Variants in SYNPR observed in about 807,000 individuals in gnomAD.
The protein encoded by SYNPR is synaptoporin.
A neutral mutation model predicts 32.9 loss-of-function variants in SYNPR; 23 were observed. The observed-to-expected ratio is 0.70, with a 90% CI of 0.50 to 0.99. The LOEUF is 0.99. Ranked by LOEUF, SYNPR falls within the 50% of genes least tolerant of loss-of-function variation. SYNPR has a pLI of 0.00. For missense variants in SYNPR, 318 were observed against 349.3 expected (o/e 0.91, Z 0.71); for synonymous variants, 146 against 135.9 (o/e 1.07, Z -0.52).
intron 4 of SYNPR, among the ~76,000 whole-genome samples, chr3:63,577,350 G>C (rs1259696508): frequency 6.6e-6 from 1 of 152,168 alleles, no homozygotes; most frequent in Non-Finnish European, 1.5e-5. Flanking sequence ...GAATTATAGA[G>C]TACCCTGAAT....
intron 2 of SYNPR, among the ~76,000 whole-genome samples, chr3:63,318,733 C>A (rs1321159813): frequency 6.6e-6 from 1 of 152,038 alleles, no homozygotes; most frequent in African/African-American, 2.4e-5. Context: ...AGCTGAATAG[C>A]TAACCTCTTG....
At chr3:63,519,178 A>T (rs947633971) in intron 3 of SYNPR, among the ~76,000 whole-genome samples, 2 of 151,952 alleles carry the variant, frequency 1.3e-5, no homozygotes, top group Non-Finnish European at 2.9e-5. Flanking sequence ...TTTGTTGAGG[A>T]TTTTTGCATC....
chr3:63,226,100 A>T (rs889673500), upstream of SYNPR, among the ~76,000 whole-genome samples: 1 of 152,232 alleles, frequency 6.6e-6, no homozygotes, highest in Non-Finnish European at 1.5e-5. Flanking sequence ...AATGTTCAAC[A>T]TCCCTGATAA....
At chr3:63,469,932 A>AG (rs1700764954) in intron 2 of SYNPR, among the ~76,000 whole-genome samples, 1 of 152,128 alleles carries the variant, frequency 6.6e-6, no homozygotes, top group African/African-American at 2.4e-5. Context: ...ACGAAAGTGA[A>AG]AACAGCACAT....
chr3:63,314,328 C>T (rs531048563), intron 2 of SYNPR, among the ~76,000 whole-genome samples: 1 of 151,548 alleles, frequency 6.6e-6, no homozygotes, highest in South Asian at 2.1e-4. Flanking sequence ...GTTTACATTC[C>T]CAACAGCAGT....
At chr3:63,514,441 G>T (rs532293206) in intron 3 of SYNPR, among the ~76,000 whole-genome samples, 17 of 152,306 alleles carry the variant, frequency 1.1e-4, no homozygotes, top group African/African-American at 4.1e-4. Flanking sequence ...CTGGATCATA[G>T]CATAGATCCC....
intron 3 of SYNPR, among the ~76,000 whole-genome samples, chr3:63,487,764 C>A (rs1387567482): frequency 6.6e-6 from 1 of 152,190 alleles, no homozygotes; most frequent in Non-Finnish European, 1.5e-5. Context: ...CTCAAAGTGA[C>A]AGAATGGAGA....
intron 4 of SYNPR, among the ~76,000 whole-genome samples, chr3:63,568,377 G>A (rs1702829101): frequency 6.6e-6 from 1 of 152,130 alleles, no homozygotes; most frequent in Non-Finnish European, 1.5e-5. Flanking sequence ...AAAAAGCCAA[G>A]AATATCTATT....
intron 3 of SYNPR, among the ~76,000 whole-genome samples, chr3:63,273,176 G>A (rs1177028070): frequency 1.3e-5 from 2 of 152,114 alleles, no homozygotes; most frequent in South Asian, 2.1e-4. Context: ...TTTTGTTTAT[G>A]TTTCGGCAAG....
At chr3:63,357,802 G>C (rs2087603420) in intron 2 of SYNPR, among the ~76,000 whole-genome samples, 1 of 152,104 alleles carries the variant, frequency 6.6e-6, no homozygotes, top group African/African-American at 2.4e-5. Context: ...TAGCATCTAA[G>C]GAGATTATGC....
Position 63,609,216 on chromosome 3 carries a change from A to T in SYNPR, c.500A>T (p.Asp167Val). 6.2e-7 allele frequency: 1 copy of T among 1,609,836 alleles called. No homozygotes were observed. Among genetic ancestry groups the T allele is most frequent in the Non-Finnish European group, 8.5e-7 (1 of 1,178,004 alleles). ...CTGTCTGACGTCAAAGTTGCAACGG[A>T]TCCCAAGGAAGTATTGCTACTAATG... ...KGLSDVKVAT[D>V]PKEVLLLMSA... The change falls in exon 5 of 6, where the codon GAT (aspartate) becomes GTT (valine). Residue 167 changes from aspartate (D) to valine (V), a missense_variant. Asp to Val is a radical substitution (Grantham distance 152). Coordinates refer to ENST00000478300, the MANE Select transcript of SYNPR (RefSeq NM_001130003.2).
intron 4 of SYNPR, among the ~76,000 whole-genome samples, chr3:63,557,982 A>G (rs1368625609): frequency 6.6e-6 from 1 of 152,250 alleles, no homozygotes; most frequent in Non-Finnish European, 1.5e-5. Flanking sequence ...CTGGTTAGAT[A>G]ACTAAGATGA....
intron 4 of SYNPR, among the ~76,000 whole-genome samples, chr3:63,568,094 A>G (rs905693878): frequency 4.6e-5 from 7 of 152,208 alleles, no homozygotes; most frequent in Non-Finnish European, 1.0e-4. Flanking sequence ...AAGAACTTAG[A>G]AAAAAGTGCA....
At chr3:63,548,911 C>T (rs1345201459) in intron 3 of SYNPR, among the ~76,000 whole-genome samples, 3 of 152,090 alleles carry the variant, frequency 2.0e-5, no homozygotes, top group Non-Finnish European at 2.9e-5. Flanking sequence ...CCTTCCACAC[C>T]GGGTAAAAGG....
At chr3:63,411,299 A>T (rs903069310) in intron 2 of SYNPR, among the ~76,000 whole-genome samples, 1 of 152,102 alleles carries the variant, frequency 6.6e-6, no homozygotes, top group Non-Finnish European at 1.5e-5. Flanking sequence ...TGTGGGTAGC[A>T]TGTTTCTGCT....
At chr3:63,369,737 A>G (rs933973860) in intron 2 of SYNPR, among the ~76,000 whole-genome samples, 1 of 152,196 alleles carries the variant, frequency 6.6e-6, no homozygotes, top group African/African-American at 2.4e-5. Flanking sequence ...AAAGCCTTCC[A>G]TGTCATTATT....
At chr3:63,202,060 A>G in the SYNPR span, among the ~76,000 whole-genome samples, 1 of 152,160 alleles carries the variant, frequency 6.6e-6, no homozygotes, top group Admixed American at 6.5e-5. Flanking sequence ...AAACCCCAGA[A>G]TATATATTCA....
At chr3:63,361,001 C>A (rs80270281) in intron 2 of SYNPR, among the ~76,000 whole-genome samples, 3,814 of 152,180 alleles carry the variant, frequency 0.025, 146 homozygotes, top group African/African-American at 0.086. Context: ...GCTTCCTGCA[C>A]GTAATGGACA....
chr3:63,364,182 G>A (rs2087701568), intron 2 of SYNPR, among the ~76,000 whole-genome samples: 1 of 152,112 alleles, frequency 6.6e-6, no homozygotes, highest in Non-Finnish European at 1.5e-5. Flanking sequence ...AAATATTGAA[G>A]CTTCATAAAG....
Sources: gnomAD v4.1 joint callset for allele counts (sites outside exome capture counted in the v4.1 genomes callset) on GRCh38, gnomAD v4.1.1 for gene constraint, MANE v1.5 for transcripts, NCBI Gene and HGNC (gene_info 2026-07-23, HGNC 2026-07-21) for gene names.